Variants in RTCB observed in about 807,000 individuals in gnomAD.
The protein encoded by RTCB is RNA 2',3'-cyclic phosphate and 5'-OH ligase, also known as RNA-splicing ligase RTCB.
In RTCB, 32 loss-of-function variants were observed where a neutral mutation model predicts 58.2. The observed-to-expected ratio is 0.55, with a 90% CI of 0.41 to 0.74. The LOEUF is 0.74. Ranked by LOEUF, RTCB falls within the 30% of genes least tolerant of loss-of-function variation. The pLI is 0.00. For missense variants in RTCB, 523 were observed against 639.0 expected, an observed-to-expected ratio of 0.82 and a Z score of 1.96; for synonymous variants, 247 against 218.6, an observed-to-expected ratio of 1.13 and a Z score of -1.15.
At position 32,399,643 on chromosome 22, in the gene RTCB, T is replaced by C. The variant is rs199652941; in HGVS notation, c.614A>G (p.Asn205Ser). The C allele has an allele frequency of 3.1e-6, 5 of 1,613,946 alleles. No homozygotes were observed. In the South Asian group the frequency reaches 3.3e-5, roughly 11 times the overall value. Residue 205 changes from asparagine (N) to serine (S), a missense_variant, in exon 6 of 12, where the codon AAT becomes AGT. Asn to Ser is a conservative substitution (Grantham distance 46). Coordinates refer to ENST00000216038, the MANE Select transcript of RTCB (RefSeq NM_014306.5). ...EYGRMLQADP[N>S]KVSARAKKRG... ...TTTCTTCGCCCTTGCAGAAACTTTA[T>C]TGGGGTCAGCCTGCAGCATCCTTCC...
chr22:32,392,276 C>T lies in RTCB; in HGVS notation c.1374G>A (p.Ala458=), dbSNP rs145049274. ...VLDKLADMGI[A]IRVASPKLVM... ...CCAGTTTGGGTGAGGCAACACGGAT[C>T]GCAATTCCCATATCTGCCAATTTGT... is the stretch of plus-strand genomic sequence containing the variant. The change falls in exon 11 of 12, where the codon GCG becomes GCA. Residue 458 remains alanine, a synonymous_variant. Transcript: ENST00000216038. 55 of 1,613,780 alleles carry T rather than the reference C, an allele frequency of 3.4e-5. 1 individual carries two copies. Among genetic ancestry groups the T allele is most frequent in the South Asian group, 1.3e-4 (12 of 91,058 alleles).
Position 32,394,994 on chromosome 22 carries a change from C to T in RTCB, c.1179+32G>A, listed in dbSNP as rs9680823. Reference sequence around the variant, plus strand: ...TGCAACAATCTAAATCGTGCCCCCACTGCTTAAAACTACAAACGTAGAGCT... The same window carrying T: ...TGCAACAATCTAAATCGTGCCCCCATTGCTTAAAACTACAAACGTAGAGCT... On this transcript the variant is annotated intron_variant, in intron 9 of 11. Transcript: ENST00000216038. 7 of 1,566,698 alleles carry T rather than the reference C, an allele frequency of 4.5e-6. No homozygotes were observed. In the South Asian group the frequency reaches 8.2e-5, roughly 18 times the overall value.
chr22:32,393,276 A>G (rs1435794755), intron 10 of RTCB, among the ~76,000 whole-genome samples: 1 of 152,218 alleles, frequency 6.6e-6, no homozygotes, highest in African/African-American at 2.4e-5. Context: ...CCATTTACAC[A>G]GTACTTAAGG....
chr22:32,393,851 A>G (rs7284525), intron 10 of RTCB, 41 bp downstream of exon 10: 1 of 1,375,228 alleles, frequency 7.3e-7, no homozygotes, highest in Non-Finnish European at 1.0e-6. Flanking sequence ...CCATAGCTAA[A>G]CTGAAGAGAG....
rs1016891418 is a variant in RTCB, at chr22:32,387,639, C to T, written c.*353G>A. Reference sequence around the variant, plus strand: ...TTCATGACACCTCTCGGAATGTAAACAGAGCTTGGTGTGAAGAAGATCAAT... The same window carrying T: ...TTCATGACACCTCTCGGAATGTAAATAGAGCTTGGTGTGAAGAAGATCAAT... On this transcript the variant is annotated 3_prime_UTR_variant, in exon 12 of 12. Coordinates refer to ENST00000216038, the MANE Select transcript of RTCB (RefSeq NM_014306.5). 1.4e-5 allele frequency: 3 copies of T among 214,548 alleles called. No homozygotes were observed. Among genetic ancestry groups the T allele is most frequent in the African/African-American group, 6.8e-5 (3 of 44,230 alleles). 13.3% of individuals were successfully genotyped at this position (214,548 alleles called of 1,614,324 possible). A position where few individuals can be genotyped will look rare whatever the true frequency, so the allele number is the denominator to read the frequency against.
chr22:32,393,416 G>T (rs1465046881), intron 10 of RTCB, among the ~76,000 whole-genome samples: 1 of 152,158 alleles, frequency 6.6e-6, no homozygotes, highest in South Asian at 2.1e-4. Flanking sequence ...GAAGATGAGA[G>T]GCAGTGTTTT....
chr22:32,388,144 C>T (rs770506078), intron 11 of RTCB, 45 bp from the exon 12 acceptor site: 15 of 1,182,234 alleles, frequency 1.3e-5, no homozygotes, highest in African/African-American at 3.0e-5. Context: ...ACTGAAAACA[C>T]AGTCTTTACA....
chr22:32,397,372 T>G (rs534411782), intron 7 of RTCB, among the ~76,000 whole-genome samples: 1 of 152,358 alleles, frequency 6.6e-6, no homozygotes, highest in Admixed American at 6.5e-5. Context: ...ACTGGGTCCA[T>G]GAAGCCATCT....
rs1258494622 is a variant in RTCB at position 32,412,115 on chromosome 22, C to G, written c.42G>C (p.Lys14Asn). The G allele has an allele frequency of 1.2e-6, 2 of 1,609,728 alleles. No individual in the cohort carries two copies. The highest frequency in any genetic ancestry group is 2.2e-5 in the East Asian group (1 of 44,604). ...SYNDELQFLE[K>N]INKNCWRIKK... ...TGATCCTCCAGCAGTTTTTATTGAT[C>G]TTCTCCAAGAACTGCAGCTCATCAT... Residue 14 changes from lysine to asparagine, a missense_variant, in exon 1 of 12, where the codon AAG becomes AAC. By Grantham distance (94) the Lys-to-Asn change is moderately conservative. Coordinates refer to ENST00000216038, the MANE Select transcript of RTCB (RefSeq NM_014306.5).
At chr22:32,390,813 TA>T (rs529152633) in intron 11 of RTCB, among the ~76,000 whole-genome samples, 3 of 152,024 alleles carry the variant, frequency 2.0e-5, no homozygotes, top group Non-Finnish European at 4.4e-5. Flanking sequence ...GAATTGTTAT[TA>T]AAAAAAATAA....
intron 6 of RTCB, among the ~76,000 whole-genome samples, chr22:32,398,506 T>A (rs148027645): frequency 6.6e-6 from 1 of 152,102 alleles, no homozygotes; most frequent in African/African-American, 2.4e-5. Flanking sequence ...CTAATGCACG[T>A]GGGGCTTAAA....
Position 32,408,760 on chromosome 22 carries a change from C to T in RTCB, c.167G>A (p.Gly56Asp), listed in dbSNP as rs1358817993. 3.1e-6 allele frequency: 5 copies of T among 1,612,682 alleles called. No individual in the cohort carries two copies. Among genetic ancestry groups the T allele is most frequent in the Non-Finnish European group, 4.2e-6 (5 of 1,178,702 alleles). Reference sequence around the variant, plus strand: ...TGAAACTCTAATGTACTTACCACCACCTCGACAGGCATTCCTTAATTCCTC... The same window carrying T: ...TGAAACTCTAATGTACTTACCACCATCTCGACAGGCATTCCTTAATTCCTC... ...MFEELRNACRGGGVGGFLPAM... is the reference protein window; with the variant it reads ...MFEELRNACRDGGVGGFLPAM... Residue 56 changes from glycine to aspartate, a missense_variant, in exon 2 of 12, where the codon GGT becomes GAT. This residue lies in a region of RTCB where 134 missense variants were observed against 129.9 expected (regional missense o/e 1.03). Transcript: ENST00000216038.
Position 32,412,075 on chromosome 22 carries a change from G to A in RTCB, c.82C>T (p.Pro28Ser), listed in dbSNP as rs1291033934. 1 of 1,606,718 alleles carries A rather than the reference G, an allele frequency of 6.2e-7. No individual in the cohort carries two copies. The highest frequency in any genetic ancestry group is 1.7e-5 in the Admixed American group (1 of 59,304). ...NCWRIKKGFV[P>S]NMQVEGVFYV... ...CTCTCCTGCCTTACCTGCATGTTGG[G>A]CACGAAGCCCTTCTTGATCCTCCAG... The change falls in exon 1 of 12, where the codon CCC becomes TCC. Residue 28 changes from proline to serine, a missense_variant. Pro to Ser is a moderately conservative substitution (Grantham distance 74, BLOSUM62 -1). Coordinates refer to ENST00000216038, the MANE Select transcript of RTCB (RefSeq NM_014306.5).
At chr22:32,408,714 G>A (rs1933469367) in intron 2 of RTCB, 41 bp downstream of exon 2, 1 of 1,398,076 alleles carries the variant, frequency 7.2e-7, no homozygotes, top group Non-Finnish European at 1.0e-6. Flanking sequence ...CACAGGGAAG[G>A]CACTACCGTA....
Position 32,396,220 on chromosome 22 carries a change from TC to T in RTCB, c.843del (p.Met281IlefsTer7). 1.2e-6 allele frequency: 2 copies of T among 1,614,188 alleles called. No individual in the cohort carries two copies. Among genetic ancestry groups the T allele is most frequent in the Non-Finnish European group, 1.7e-6 (2 of 1,180,034 alleles). On this transcript the variant is annotated frameshift_variant, in exon 8 of 12. Coordinates refer to ENST00000216038, the MANE Select transcript of RTCB (RefSeq NM_014306.5). LOFTEE classifies it high-confidence loss of function. ...TDALVAMEKA[M>X]KRDKIIVNDR... ...TCATTGACTATAATCTTGTCTCTCT[TC>T]ATGGCCTTCTCCATAGCTACCAGCG...
In RTCB at chr22:32,389,614, C is replaced by G. The variant is rs192526230; in HGVS notation, c.1411-1515G>C. On this transcript the variant is annotated intron_variant, in intron 11 of 11. Coordinates refer to ENST00000216038, the MANE Select transcript of RTCB (RefSeq NM_014306.5). Reference sequence around the variant, plus strand: ...AGGTGTGAGCCACTGTGCTCAGCTTCTTCTCTCCTTTTATAAAGGATGAAT... The same window carrying G: ...AGGTGTGAGCCACTGTGCTCAGCTTGTTCTCTCCTTTTATAAAGGATGAAT... Among the ~76,000 whole-genome samples, 594 of 142,342 alleles carry G rather than the reference C, an allele frequency of 4.2e-3. 7 individuals are homozygous for G. The highest frequency in any genetic ancestry group is 0.017 in the African/African-American group (566 of 32,416). The allele number at this position is 142,342 out of a possible 152,430, so 93.4% of individuals were successfully genotyped here.
chr22:32,399,504 G>A (rs1933299805), intron 6 of RTCB, 99 bp downstream of exon 6: 1 of 1,136,322 alleles, frequency 8.8e-7, no homozygotes, highest in Non-Finnish European at 1.2e-6. Flanking sequence ...AAAAAAACCT[G>A]GGAATATGTT....
intron 4 of RTCB, among the ~76,000 whole-genome samples, chr22:32,402,737 C>A (rs1301780883): frequency 3.3e-5 from 5 of 152,140 alleles, no homozygotes; most frequent in Admixed American, 3.3e-4. Flanking sequence ...GCGTGAGCCA[C>A]CACACCTGGC....
chr22:32,395,051 T>A lies in RTCB; in HGVS notation c.1154A>T (p.His385Leu). The A allele has an allele frequency of 6.2e-7, 1 of 1,614,040 alleles. No homozygotes were observed. The highest frequency in any genetic ancestry group is 8.5e-7 in the Non-Finnish European group (1 of 1,179,956). ...TTGGTAATCAACAGCAATGAGGGGA[T>A]GGTGAGGAGGGAAAGCGCGGGTGGA... The part of the protein sequence containing the change: ...KGSTRAFPPH[H>L]PLIAVDYQLT... Residue 385 changes from histidine (H) to leucine (L), a missense_variant, in exon 9 of 12, where the codon CAT becomes CTT. Transcript: ENST00000216038.
Sources: gnomAD v4.1 joint callset for allele counts (sites outside exome capture counted in the v4.1 genomes callset) on GRCh38, gnomAD v4.1.1 for gene constraint, gnomAD v4.1.1 regional missense constraint, MANE v1.5 for transcripts, NCBI Gene and HGNC (gene_info 2026-07-23, HGNC 2026-07-21) for gene names.